CMIP: variants seen among roughly 807,000 people sequenced by gnomAD.
CMIP encodes c-Maf inducing protein, also known as C-Maf-inducing protein.
A neutral mutation model predicts 97.3 loss-of-function variants in CMIP; 13 were observed. The observed-to-expected ratio is 0.13, with a 90% CI of 0.09 to 0.21. CMIP has a LOEUF of 0.21. Ranked by LOEUF, CMIP falls within the 10% of genes least tolerant of loss-of-function variation. The pLI, the probability that CMIP is intolerant of heterozygous loss-of-function variation, is 1.00. For missense variants in CMIP, 847 were observed against 1,024.9 expected, an observed-to-expected ratio of 0.83 and a Z score of 2.37; for synonymous variants, 538 against 436.3, an observed-to-expected ratio of 1.23 and a Z score of -2.91.
At chr16:81,634,792 G>A (rs1049249588) in intron 3 of CMIP, among the ~76,000 whole-genome samples, 2 of 152,208 alleles carry the variant, frequency 1.3e-5, no homozygotes, top group African/African-American at 2.4e-5. Flanking sequence ...CCCACCCAGA[G>A]GATGCAGCTG....
At chr16:81,625,610 T>G (rs367930858) in intron 3 of CMIP, among the ~76,000 whole-genome samples, 8 of 152,258 alleles carry the variant, frequency 5.3e-5, no homozygotes, top group African/African-American at 1.7e-4. Flanking sequence ...TTGGCCTGTT[T>G]CTGTGTCCAG....
intron 1 of CMIP, among the ~76,000 whole-genome samples, chr16:81,551,976 G>A (rs1310802919): frequency 6.6e-6 from 1 of 152,236 alleles, no homozygotes; most frequent in South Asian, 2.1e-4. Flanking sequence ...GTGTGCAGGG[G>A]GGCCCTGGCT....
intron 3 of CMIP, among the ~76,000 whole-genome samples, chr16:81,623,980 T>C (rs756304936): frequency 1.6e-4 from 24 of 152,350 alleles, no homozygotes; most frequent in East Asian, 5.8e-4. Context: ...TTCTCTGAGA[T>C]TGGGACTCCA....
intron 1 of CMIP, among the ~76,000 whole-genome samples, chr16:81,529,450 C>T (rs1194395978): frequency 2.0e-5 from 3 of 152,050 alleles, no homozygotes; most frequent in Admixed American, 6.6e-5. Context: ...TGTTGGTCTT[C>T]GAGGAGATGG....
intron 13 of CMIP, chr16:81,695,803 G>A (rs1906648205): frequency 6.5e-6 from 1 of 153,044 alleles, no homozygotes; most frequent in Non-Finnish European, 1.5e-5. Context: ...TGTGCTTTTG[G>A]CACTGAAATT....
intron 2 of CMIP, among the ~76,000 whole-genome samples, chr16:81,609,364 G>A (rs1003100616): frequency 1.3e-5 from 2 of 152,210 alleles, no homozygotes; most frequent in Non-Finnish European, 2.9e-5. Flanking sequence ...GGTGGTCAGT[G>A]CCAGCCCCCC....
At chr16:81,550,294 G>A (rs1052450675) in intron 1 of CMIP, among the ~76,000 whole-genome samples, 1 of 152,240 alleles carries the variant, frequency 6.6e-6, no homozygotes, top group Non-Finnish European at 1.5e-5. Context: ...GGAGAATAAG[G>A]AACAGCACTG....
intron 1 of CMIP, among the ~76,000 whole-genome samples, chr16:81,561,374 C>G (rs933821942): frequency 6.6e-6 from 1 of 152,306 alleles, no homozygotes; most frequent in East Asian, 1.9e-4. Context: ...CAACATTGAA[C>G]AGAGCTGTGA....
intron 1 of CMIP, among the ~76,000 whole-genome samples, chr16:81,582,884 C>T (rs115218794): frequency 2.0e-5 from 3 of 152,210 alleles, no homozygotes; most frequent in East Asian, 1.9e-4. Context: ...AAAGAGTGCA[C>T]GGCAGTTGGG....
intron 3 of CMIP, chr16:81,645,752 C>A: frequency 1.3e-6 from 1 of 782,658 alleles, no homozygotes; most frequent in Non-Finnish European, 2.1e-6. Context: ...CTGAGTTCTA[C>A]CTCCCTGGAC....
At chr16:81,606,459 C>T (rs1319896963) in intron 1 of CMIP, among the ~76,000 whole-genome samples, 1 of 152,178 alleles carries the variant, frequency 6.6e-6, no homozygotes, top group East Asian at 1.9e-4. Context: ...CGCTTTGGCT[C>T]CTGGTGGCCA....
At chr16:81,645,526 C>T in intron 3 of CMIP, 1 of 1,536,024 alleles carries the variant, frequency 6.5e-7, no homozygotes, top group Non-Finnish European at 8.7e-7. Flanking sequence ...CTCTGCTTTC[C>T]CTGGCCTGAG....
intron 2 of CMIP, among the ~76,000 whole-genome samples, chr16:81,612,886 C>T (rs539956330): frequency 5.9e-5 from 9 of 152,262 alleles, no homozygotes; most frequent in African/African-American, 1.4e-4. Flanking sequence ...GAGTGACCCT[C>T]GGGGTTCCAG....
At chr16:81,701,430 C>T (rs1907392252) in intron 15 of CMIP, among the ~76,000 whole-genome samples, 1 of 152,208 alleles carries the variant, frequency 6.6e-6, no homozygotes, top group Admixed American at 6.5e-5. Context: ...CTGGGAGACT[C>T]CCATGTCCAT....
At chr16:81,560,070 C>A (rs1039197169) in intron 1 of CMIP, among the ~76,000 whole-genome samples, 1 of 150,654 alleles carries the variant, frequency 6.6e-6, no homozygotes, top group Non-Finnish European at 1.5e-5. Flanking sequence ...ATCGCTTCAA[C>A]TGGGGAGGCA....
intron 1 of CMIP, among the ~76,000 whole-genome samples, chr16:81,563,670 G>A (rs2090927807): frequency 6.6e-6 from 1 of 152,198 alleles, no homozygotes; most frequent in Admixed American, 6.5e-5. Context: ...TACGCTTCTT[G>A]CTTGGCGTGT....
At chr16:81,650,368 G>A (rs753791561) in intron 3 of CMIP, among the ~76,000 whole-genome samples, 4 of 152,186 alleles carry the variant, frequency 2.6e-5, no homozygotes, top group Non-Finnish European at 5.9e-5. Flanking sequence ...GTAAGACCAG[G>A]TGCTGGAAGG....
At chr16:81,501,467 A>G (rs1281832695) in intron 1 of CMIP, among the ~76,000 whole-genome samples, 1 of 152,098 alleles carries the variant, frequency 6.6e-6, no homozygotes, top group East Asian at 1.9e-4. Context: ...AGGTTACGCT[A>G]TTAAATAGCG....
At chr16:81,624,919 A>T (rs2092040595) in intron 3 of CMIP, among the ~76,000 whole-genome samples, 1 of 152,198 alleles carries the variant, frequency 6.6e-6, no homozygotes, top group African/African-American at 2.4e-5. Context: ...AGCTGTTCAC[A>T]CACGGTTGTA....
Sources: gnomAD v4.1 joint callset for allele counts (sites outside exome capture counted in the v4.1 genomes callset) on GRCh38, gnomAD v4.1.1 for gene constraint, MANE v1.5 for transcripts, NCBI Gene and HGNC (gene_info 2026-07-23, HGNC 2026-07-21) for gene names.